CUEDC1: variants seen among roughly 807,000 people sequenced by gnomAD.
CUEDC1 encodes the protein CUE domain-containing protein 1.
CUEDC1 carries 30 observed loss-of-function variants against 43.7 expected under a neutral mutation model. That is an observed-to-expected ratio of 0.69 (90% CI 0.51 to 0.93). The LOEUF (loss-of-function observed/expected upper bound fraction) is 0.93. Among genes scored for constraint, CUEDC1 ranks in the 40% least tolerant of loss-of-function variants. CUEDC1 has a pLI of 0.00. For missense variants in CUEDC1, 486 were observed against 549.0 expected (o/e 0.89, Z 1.15); for synonymous variants, 223 against 223.6 (o/e 1.00, Z 0.02).
At chr17:57,942,027 C>T (rs866901732) in intron 1 of CUEDC1, among the ~76,000 whole-genome samples, 2 of 152,186 alleles carry the variant, frequency 1.3e-5, no homozygotes, top group Non-Finnish European at 1.5e-5. Flanking sequence ...AGTTCTCATG[C>T]AACCCCTTCT....
intron 2 of CUEDC1, among the ~76,000 whole-genome samples, chr17:57,881,834 C>T (rs2074209377): frequency 1.3e-5 from 2 of 152,306 alleles, no homozygotes; most frequent in South Asian, 2.1e-4. Flanking sequence ...ACCAGACAGA[C>T]GTTCATCAGA....
rs199930256 is a variant in CUEDC1, at chr17:57,872,695, C to T, written c.752G>A (p.Arg251Gln). 2 of 1,614,148 alleles carry T rather than the reference C, an allele frequency of 1.2e-6. No homozygotes were observed. Among genetic ancestry groups the T allele is most frequent in the African/African-American group, 1.3e-5 (1 of 75,052 alleles). Reference sequence around the variant, plus strand: ...CAGAGCGAGGAGGAAGTCGCGGTTCCGTTGCAGCTCCTTCATGAACTCCTC... The same window carrying T: ...CAGAGCGAGGAGGAAGTCGCGGTTCTGTTGCAGCTCCTTCATGAACTCCTC... ...QNEEFMKELQ[R>Q]NRDFLLALER... Residue 251 changes from arginine to glutamine, a missense_variant, in exon 5 of 11, where the codon CGG becomes CAG. By Grantham distance (43) the Arg-to-Gln change is conservative. Coordinates refer to ENST00000577830, the MANE Select transcript of CUEDC1 (RefSeq NM_001271875.2).
At chr17:57,893,346 G>GGTGTGTGTGTGTGTGTGTGTGTGTGT (rs1456034263) in intron 1 of CUEDC1, among the ~76,000 whole-genome samples, 33 of 89,990 alleles carry the variant, frequency 3.7e-4, no homozygotes, top group South Asian at 1.1e-3. Context: ...AGGCTCTCAG[G>GGTGTGTGTGTGTGTGTGTGTGTGTGT]GTATGTGTGT....
intron 1 of CUEDC1, among the ~76,000 whole-genome samples, chr17:57,938,655 ATTATTTAT>A (rs1010011832): frequency 2.0e-5 from 3 of 151,552 alleles, no homozygotes; most frequent in Non-Finnish European, 2.9e-5. Flanking sequence ...TTATTTATTT[ATTATTTAT>A]TTATTTATTT....
intron 1 of CUEDC1, among the ~76,000 whole-genome samples, chr17:57,939,539 C>A (rs564976445): frequency 1.3e-5 from 2 of 152,286 alleles, no homozygotes; most frequent in Admixed American, 1.3e-4. Flanking sequence ...CTTGGCCCCC[C>A]AGAGTGCTGA....
chr17:57,909,544 C>T (rs2074562695), intron 1 of CUEDC1, among the ~76,000 whole-genome samples: 1 of 152,212 alleles, frequency 6.6e-6, no homozygotes, highest in Non-Finnish European at 1.5e-5. Context: ...AGCTCTGTGT[C>T]CTCTCATCAC....
At chr17:57,933,464 C>T (rs1157370001) in intron 1 of CUEDC1, among the ~76,000 whole-genome samples, 1 of 152,116 alleles carries the variant, frequency 6.6e-6, no homozygotes, top group African/African-American at 2.4e-5. Context: ...CCCCTCCACC[C>T]CAATTTCAGA....
intron 1 of CUEDC1, among the ~76,000 whole-genome samples, chr17:57,937,653 G>A (rs368429537): frequency 6.7e-4 from 101 of 151,370 alleles, no homozygotes; most frequent in African/African-American, 2.3e-3. Flanking sequence ...CCTAGAGGCT[G>A]GGCACAGTGG....
At chr17:57,902,281 A>C (rs1461721481) in intron 1 of CUEDC1, among the ~76,000 whole-genome samples, 1 of 152,156 alleles carries the variant, frequency 6.6e-6, no homozygotes, top group Admixed American at 6.5e-5. Flanking sequence ...GTGACCTGAG[A>C]TCACACCACT....
At chr17:57,884,872 G>A (rs59122922) in intron 2 of CUEDC1, among the ~76,000 whole-genome samples, 3,126 of 152,284 alleles carry the variant, frequency 0.021, 96 homozygotes, top group African/African-American at 0.071. Context: ...CGGACTCTAC[G>A]CCTGATGTGG....
chr17:57,917,273 G>A (rs1021780506), intron 1 of CUEDC1, among the ~76,000 whole-genome samples: 1 of 152,224 alleles, frequency 6.6e-6, no homozygotes, highest in Non-Finnish European at 1.5e-5. Context: ...GAATGTTGGA[G>A]GAAGATGACA....
chr17:57,931,056 A>T (rs1221966403), intron 1 of CUEDC1, among the ~76,000 whole-genome samples: 1 of 152,170 alleles, frequency 6.6e-6, no homozygotes, highest in African/African-American at 2.4e-5. Context: ...AAGGAAGCTG[A>T]GACAGGCAGA....
chr17:57,891,392 G>A (rs761650595), intron 1 of CUEDC1, among the ~76,000 whole-genome samples: 6 of 152,130 alleles, frequency 3.9e-5, no homozygotes, highest in Admixed American at 2.0e-4. Flanking sequence ...TGTCTTCCCC[G>A]TCTTCCAAAT....
At position 57,879,652 on chromosome 17, in the gene CUEDC1, G is replaced by C; in HGVS notation, c.423C>G (p.Phe141Leu). The change falls in exon 3 of 11, where the codon TTC (phenylalanine) becomes TTG (leucine). Residue 141 changes from phenylalanine to leucine, a missense_variant. Physicochemically the swap from Phe to Leu is conservative, Grantham distance 22. Transcript: ENST00000577830. ...YSPPAYHMHV[F>L]DRPYPLAPPT... ...GGGGAGCCAGAGGGTAGGGCCGGTCGAACACGTGCATGTGGTAGGCTGGCG... is the reference window on the plus strand; with the variant it reads ...GGGGAGCCAGAGGGTAGGGCCGGTCCAACACGTGCATGTGGTAGGCTGGCG... 6.2e-7 allele frequency: 1 copy of C among 1,604,374 alleles called. No homozygotes were observed. Among genetic ancestry groups the C allele is most frequent in the Non-Finnish European group, 8.5e-7 (1 of 1,176,820 alleles).
chr17:57,889,316 G>A (rs1409047059), intron 1 of CUEDC1, among the ~76,000 whole-genome samples: 1 of 152,174 alleles, frequency 6.6e-6, no homozygotes, highest in African/African-American at 2.4e-5. Context: ...CAGGGGGGAT[G>A]GGGTAGGGAG....
intron 1 of CUEDC1, among the ~76,000 whole-genome samples, chr17:57,895,546 CAACT>C (rs2074399767): frequency 2.0e-5 from 3 of 152,180 alleles, no homozygotes; most frequent in Non-Finnish European, 2.9e-5. Context: ...CCTGAGCAAC[CAACT>C]GTTTTCCACC....
At chr17:57,880,870 C>G (rs939770733) in intron 2 of CUEDC1, among the ~76,000 whole-genome samples, 2 of 152,086 alleles carry the variant, frequency 1.3e-5, no homozygotes, top group South Asian at 2.1e-4. Flanking sequence ...CTGGGAGATC[C>G]CTCACCACAC....
At chr17:57,887,297 C>A (rs1199289254) in intron 1 of CUEDC1, among the ~76,000 whole-genome samples, 1 of 152,188 alleles carries the variant, frequency 6.6e-6, no homozygotes, top group Non-Finnish European at 1.5e-5. Context: ...CAAACCCAGG[C>A]ATGTAAATCA....
intron 1 of CUEDC1, among the ~76,000 whole-genome samples, chr17:57,948,468 T>C (rs2074977743): frequency 6.6e-6 from 1 of 152,168 alleles, no homozygotes; most frequent in Non-Finnish European, 1.5e-5. Flanking sequence ...GCTCACTCAT[T>C]CATGGATGAG....
Sources: allele counts gnomAD v4.1 joint callset (sites outside exome capture counted in the v4.1 genomes callset), GRCh38; gene constraint gnomAD v4.1.1; transcripts MANE v1.5; gene names NCBI Gene and HGNC (gene_info 2026-07-23, HGNC 2026-07-21).